PICALM: variants seen among roughly 807,000 people sequenced by gnomAD.
The protein encoded by PICALM is phosphatidylinositol binding clathrin assembly protein, also known as phosphatidylinositol-binding clathrin assembly protein.
In PICALM, 40 loss-of-function variants were observed where a neutral mutation model predicts 80.5. The ratio of observed to expected loss-of-function variants is 0.50; its 90% CI spans 0.39 to 0.65. PICALM has a LOEUF of 0.65. Among genes scored for constraint, PICALM ranks in the 30% least tolerant of loss-of-function variants. The pLI is 0.00. For missense variants in PICALM, 676 were observed against 778.9 expected (o/e 0.87, Z 1.57); for synonymous variants, 288 against 260.3 (o/e 1.11, Z -1.02).
At chr11:86,021,533 T>C (rs947713923) in intron 4 of PICALM, among the ~76,000 whole-genome samples, 1 of 130,934 alleles carries the variant, frequency 7.6e-6, no homozygotes, top group African/African-American at 2.9e-5. Flanking sequence ...ACCCAGAAAA[T>C]AACAAGTATG....
chr11:85,973,316 T>C (rs1210262688), intron 19 of PICALM, among the ~76,000 whole-genome samples: 1 of 152,188 alleles, frequency 6.6e-6, no homozygotes, highest in African/African-American at 2.4e-5. Flanking sequence ...GCTTCACTAG[T>C]CTATGAAATA....
chr11:86,022,243 C>CA (rs2136509968), intron 4 of PICALM, 124 bp downstream of exon 4: 1 of 597,338 alleles, frequency 1.7e-6, no homozygotes, highest in Non-Finnish European at 2.9e-6. Context: ...TATACCTCAT[C>CA]AAAGAAAAAT....
intron 5 of PICALM, among the ~76,000 whole-genome samples, chr11:86,013,284 C>CA (rs1374118079): frequency 1.3e-5 from 2 of 151,856 alleles, no homozygotes; most frequent in African/African-American, 4.8e-5. Context: ...CACAGAACTC[C>CA]AGCCAGGGTG....
chr11:86,016,238 T>G (rs1208088503), intron 4 of PICALM, among the ~76,000 whole-genome samples: 1 of 152,200 alleles, frequency 6.6e-6, no homozygotes, highest in East Asian at 1.9e-4. Context: ...ATCCAACACC[T>G]TGATGTCAAA....
intron 19 of PICALM, among the ~76,000 whole-genome samples, chr11:85,961,222 T>A (rs2093677478): frequency 6.6e-6 from 1 of 152,208 alleles, no homozygotes; most frequent in African/African-American, 2.4e-5. Context: ...CACATCTAGC[T>A]GCAATATTCT....
At chr11:85,985,164 G>C (rs746090015) in intron 13 of PICALM, among the ~76,000 whole-genome samples, 1 of 152,030 alleles carries the variant, frequency 6.6e-6, no homozygotes, top group Non-Finnish European at 1.5e-5. Context: ...CTCTATTCAG[G>C]TCAGAATCTC....
chr11:85,989,709 A>G (rs1253201237), intron 13 of PICALM, among the ~76,000 whole-genome samples: 1 of 152,096 alleles, frequency 6.6e-6, no homozygotes, highest in Non-Finnish European at 1.5e-5. Context: ...TCCTACTTTT[A>G]TCTCCATACT....
intron 1 of PICALM, among the ~76,000 whole-genome samples, chr11:86,035,934 C>A (rs1254968054): frequency 8.0e-6 from 1 of 124,340 alleles, no homozygotes; most frequent in African/African-American, 3.1e-5. Context: ...GCCTACAGAG[C>A]GAGACTCTGC....
intron 4 of PICALM, 30 bp downstream of exon 4, chr11:86,022,337 C>A: frequency 1.7e-6 from 2 of 1,147,252 alleles, no homozygotes; most frequent in South Asian, 1.3e-5. Context: ...AAATTCAAAT[C>A]AATTAGATGT....
chr11:85,981,778 AG>A lies in PICALM; in HGVS notation c.1649-4del. ...GGTTCCATTTCCGATGCCAAGATCT[AG>A]GAAAGGAGAAAAACAAAAAAGCATT... On this transcript the variant is annotated splice_polypyrimidine_tract_variant and splice_region_variant and intron_variant, in intron 15 of 19. Transcript: ENST00000393346. 2 of 1,612,420 alleles carry A rather than the reference AG, an allele frequency of 1.2e-6. No individual in the cohort carries two copies. The highest frequency in any genetic ancestry group is 1.7e-6 in the Non-Finnish European group (2 of 1,178,440).
At chr11:86,063,590 C>T (rs1364127961) in intron 1 of PICALM, among the ~76,000 whole-genome samples, 3 of 152,104 alleles carry the variant, frequency 2.0e-5, no homozygotes, top group Admixed American at 1.3e-4. Context: ...AAAAAGGATA[C>T]ATTTGTGAAT....
At chr11:86,002,951 C>T (rs1398478533) in intron 9 of PICALM, among the ~76,000 whole-genome samples, 1 of 151,914 alleles carries the variant, frequency 6.6e-6, no homozygotes, top group East Asian at 1.9e-4. Flanking sequence ...GTGGAAGTTG[C>T]AAGTGAGTTG....
At chr11:85,970,436 C>G (rs671686) in intron 19 of PICALM, among the ~76,000 whole-genome samples, 77,677 of 152,082 alleles carry the variant, frequency 0.51, 20,397 homozygotes, top group African/African-American at 0.64. Context: ...CTCATTATTA[C>G]TCTTATAAAT....
At chr11:86,003,339 C>T in intron 9 of PICALM, 27 bp downstream of exon 9, 1 of 1,406,984 alleles carries the variant, frequency 7.1e-7, no homozygotes, top group South Asian at 1.2e-5. Flanking sequence ...ATCACTCTGG[C>T]TTTTTGGCCT....
intron 1 of PICALM, among the ~76,000 whole-genome samples, chr11:86,062,345 C>T (rs1192018657): frequency 6.6e-6 from 1 of 152,070 alleles, no homozygotes; most frequent in Admixed American, 6.5e-5. Context: ...GGTGAAGCCC[C>T]ATCTCTATCA....
intron 17 of PICALM, among the ~76,000 whole-genome samples, chr11:85,977,284 A>C (rs1383834683): frequency 6.6e-6 from 1 of 152,192 alleles, no homozygotes; most frequent in Non-Finnish European, 1.5e-5. Context: ...TTTATTCCAA[A>C]AATTATTTAA....
chr11:85,989,478 C>CT (rs1238162200), intron 13 of PICALM, among the ~76,000 whole-genome samples: 1 of 152,128 alleles, frequency 6.6e-6, no homozygotes, highest in Non-Finnish European at 1.5e-5. Context: ...AGCTGTTTCT[C>CT]TGAACTGAAC....
chr11:86,022,475 AAAAAACAAAAAC>A lies in PICALM; in HGVS notation c.350-18_350-7del, dbSNP rs745573027. 4.7e-5 allele frequency: 65 copies of A among 1,396,576 alleles called. No homozygotes were observed. The highest frequency in any genetic ancestry group is 1.8e-4 in the Middle Eastern group (1 of 5,522). The allele number at this position is 1,396,576 out of a possible 1,614,324, so 86.5% of individuals were successfully genotyped here. A position where few individuals can be genotyped will look rare whatever the true frequency, so the allele number is the denominator to read the frequency against. The stretch of plus-strand genomic sequence containing the variant: ...AAATGTAGACATGTCATATCCTGTA[AAAAAACAAAAAC>A]AAAAACAAAACAAAGAGAGAGACAA... On this transcript the variant is annotated splice_region_variant and splice_polypyrimidine_tract_variant and intron_variant, in intron 3 of 19. Transcript: ENST00000393346.
chr11:85,975,533 A>G (rs1047786400), intron 18 of PICALM, among the ~76,000 whole-genome samples: 5 of 151,648 alleles, frequency 3.3e-5, no homozygotes, highest in African/African-American at 1.2e-4. Context: ...TGTTTCAAGC[A>G]GACTACTATT....
Sources: allele counts gnomAD v4.1 joint callset (sites outside exome capture counted in the v4.1 genomes callset), GRCh38; gene constraint gnomAD v4.1.1; transcripts MANE v1.5; gene names NCBI Gene and HGNC (gene_info 2026-07-23, HGNC 2026-07-21).